HECW1: variants seen among roughly 807,000 people sequenced by gnomAD.
HECW1 encodes the protein E3 ubiquitin-protein ligase HECW1.
A neutral mutation model predicts 182.3 loss-of-function variants in HECW1; 61 were observed. The observed-to-expected ratio is 0.33, with a 90% confidence interval of 0.27 to 0.41. HECW1 has a LOEUF of 0.41. Among genes scored for constraint, HECW1 ranks in the 10% least tolerant of loss-of-function variants. The probability of loss-of-function intolerance (pLI) is 1.00; values close to 1 mark genes in which losing one functional copy is unlikely to be tolerated. For synonymous variants in HECW1, 859 were observed against 832.6 expected, an observed-to-expected ratio of 1.03 and a Z score of -0.55; for missense variants, 1,739 against 2,108.9, an observed-to-expected ratio of 0.82 and a Z score of 3.44.
chr7:43,247,883 A>G (rs1389318661), intron 3 of HECW1, among the ~76,000 whole-genome samples: 1 of 61,294 alleles, frequency 1.6e-5, no homozygotes, highest in Non-Finnish European at 2.6e-5. Context: ...CAAGCAAGAA[A>G]GGGAGGGAGA....
chr7:43,529,302 T>C (rs1306476114), intron 24 of HECW1, among the ~76,000 whole-genome samples: 2 of 152,224 alleles, frequency 1.3e-5, no homozygotes, highest in East Asian at 3.9e-4. Flanking sequence ...CTTCATTCCC[T>C]GCACACCCAA....
intron 2 of HECW1, among the ~76,000 whole-genome samples, chr7:43,140,821 C>T (rs530688436): frequency 6.6e-6 from 1 of 152,268 alleles, no homozygotes; most frequent in East Asian, 1.9e-4. Flanking sequence ...GAGTCCGTTC[C>T]TGGTGAGGGC....
chr7:43,525,872 T>C (rs954828926), intron 24 of HECW1, among the ~76,000 whole-genome samples: 1 of 152,222 alleles, frequency 6.6e-6, no homozygotes, highest in Non-Finnish European at 1.5e-5. Context: ...GGCTTCCTAC[T>C]TTCAGATGAT....
intron 3 of HECW1, among the ~76,000 whole-genome samples, chr7:43,252,273 C>A (rs1800119572): frequency 6.6e-6 from 1 of 152,122 alleles, no homozygotes; most frequent in South Asian, 2.1e-4. Context: ...GTTTCTGCCC[C>A]CAGTCAGTAT....
At chr7:43,371,646 A>C (rs1484439678) in intron 6 of HECW1, among the ~76,000 whole-genome samples, 1 of 152,126 alleles carries the variant, frequency 6.6e-6, no homozygotes, top group East Asian at 1.9e-4. Flanking sequence ...TATTTGCAAA[A>C]GCTATTTGGG....
At chr7:43,358,654 C>CA in intron 5 of HECW1, among the ~76,000 whole-genome samples, 1 of 151,972 alleles carries the variant, frequency 6.6e-6, no homozygotes, top group East Asian at 1.9e-4. Context: ...ATAAATGAAA[C>CA]AAAAATAATA....
chr7:43,401,574 T>TTTTTTG (rs1554400172), intron 7 of HECW1, among the ~76,000 whole-genome samples: 1 of 144,424 alleles, frequency 6.9e-6, no homozygotes, highest in Non-Finnish European at 1.5e-5. Flanking sequence ...AAGGTTTTTT[T>TTTTTTG]TTTTTTTTTT....
At chr7:43,133,412 G>T (rs375395490) in intron 2 of HECW1, among the ~76,000 whole-genome samples, 1 of 151,814 alleles carries the variant, frequency 6.6e-6, no homozygotes, top group Non-Finnish European at 1.5e-5. Flanking sequence ...GCCTTTTTCC[G>T]TATCAATCTG....
At chr7:43,399,027 C>T (rs2075320005) in intron 7 of HECW1, among the ~76,000 whole-genome samples, 1 of 152,222 alleles carries the variant, frequency 6.6e-6, no homozygotes, top group Non-Finnish European at 1.5e-5. Context: ...TTAGGTTTTA[C>T]AATACTGACA....
chr7:43,358,704 T>C (rs1815470357), intron 5 of HECW1, among the ~76,000 whole-genome samples: 1 of 152,162 alleles, frequency 6.6e-6, no homozygotes, highest in Non-Finnish European at 1.5e-5. Context: ...GTGATGATGC[T>C]CAGTGCTAAC....
intron 5 of HECW1, among the ~76,000 whole-genome samples, chr7:43,334,110 T>G (rs746973507): frequency 9.2e-5 from 14 of 152,212 alleles, no homozygotes; most frequent in Non-Finnish European, 1.3e-4. Context: ...GCCACAGCTG[T>G]TTTTGGTGAG....
intron 24 of HECW1, among the ~76,000 whole-genome samples, chr7:43,516,602 C>T (rs6463196): frequency 0.26 from 39,876 of 152,038 alleles, 5,288 homozygotes; most frequent in South Asian, 0.34. Context: ...GTCTGAACAA[C>T]TGAAATAGGT....
At chr7:43,537,960 C>A (rs2081237075) in intron 24 of HECW1, among the ~76,000 whole-genome samples, 3 of 152,212 alleles carry the variant, frequency 2.0e-5, no homozygotes, top group South Asian at 4.1e-4. Context: ...CGTCGCCACA[C>A]CCCCTGGTTG....
intron 2 of HECW1, among the ~76,000 whole-genome samples, chr7:43,163,730 A>C (rs1790799118): frequency 6.6e-6 from 1 of 152,150 alleles, no homozygotes; most frequent in Admixed American, 6.5e-5. Flanking sequence ...AATCTTGTTC[A>C]TTCCCTCCTT....
chr7:43,443,065 T>C (rs2076939347), intron 10 of HECW1, among the ~76,000 whole-genome samples: 1 of 152,248 alleles, frequency 6.6e-6, no homozygotes, highest in Non-Finnish European at 1.5e-5. Context: ...CAATGAATTT[T>C]TATAATATCA....
rs543104917 is a variant in HECW1 at position 43,444,103 on chromosome 7, A to G, written c.1046-115A>G. 13 of 1,083,934 alleles carry G rather than the reference A, an allele frequency of 1.2e-5. No individual in the cohort carries two copies. Among genetic ancestry groups the G allele is most frequent in the Non-Finnish European group, 1.7e-5 (13 of 766,440 alleles). 67.1% of individuals were successfully genotyped at this position (1,083,934 alleles called of 1,614,324 possible). On this transcript the variant is annotated intron_variant, in intron 10 of 29. Transcript: ENST00000395891. The surrounding 1 kb of genome is among the most constrained non-coding windows in gnomAD (Gnocchi z 4.3). ...CAGTGAGAAACCCTCATCAACCTACATTCAATATCCTAATGTAGAAATCCC... is the reference window on the plus strand; with the variant it reads ...CAGTGAGAAACCCTCATCAACCTACGTTCAATATCCTAATGTAGAAATCCC...
chr7:43,114,903 C>A (rs913053886), intron 2 of HECW1, among the ~76,000 whole-genome samples: 11 of 152,144 alleles, frequency 7.2e-5, no homozygotes, highest in African/African-American at 2.4e-4. Flanking sequence ...TGACTTGATT[C>A]CTTTTACACT....
chr7:43,279,627 C>T lies in HECW1; in HGVS notation c.28-32136C>T, dbSNP rs569984289. On this transcript the variant is annotated intron_variant, in intron 3 of 29. Coordinates refer to ENST00000395891, the MANE Select transcript of HECW1 (RefSeq NM_015052.5). The stretch of plus-strand genomic sequence containing the variant: ...TGCCTAGAATGTGCGCCCTCCTTGT[C>T]CCCATTTCATTTGTTCTGAAGCTGA... 2.0e-5 allele frequency among the ~76,000 whole-genome samples: 3 copies of T among 152,276 alleles called. No homozygotes were observed. The South Asian group carries it at 6.2e-4, about 32-fold the overall frequency.
intron 16 of HECW1, among the ~76,000 whole-genome samples, chr7:43,475,412 T>C: frequency 6.6e-6 from 1 of 152,164 alleles, no homozygotes; most frequent in Non-Finnish European, 1.5e-5. Context: ...TAGAAACCAT[T>C]GAGAAATTGT....
Sources: allele counts gnomAD v4.1 joint callset (sites outside exome capture counted in the v4.1 genomes callset), GRCh38; gene constraint gnomAD v4.1.1; non-coding constraint Gnocchi (gnomAD v3.1); transcripts MANE v1.5; gene names NCBI Gene and HGNC (gene_info 2026-07-23, HGNC 2026-07-21).